The following SMIM7 variants were observed in gnomAD, a reference collection of about 807,000 sequenced individuals.
SMIM7 encodes the protein UPF0608 protein C19orf42.
In SMIM7, 12 loss-of-function variants were observed where a neutral mutation model predicts 13.3. The observed-to-expected ratio is 0.90, with a 90% CI of 0.58 to 1.46. The LOEUF (loss-of-function observed/expected upper bound fraction) is 1.46. Ranked by LOEUF, SMIM7 falls within the 40% of genes most tolerant of loss-of-function variation. The pLI is 0.00. For missense variants in SMIM7, 114 were observed against 94.8 expected, an observed-to-expected ratio of 1.20 and a Z score of -0.84; for synonymous variants, 36 against 35.8, an observed-to-expected ratio of 1.01 and a Z score of -0.02.
chr19:16,654,677 C>T (rs1480475017), intron 3 of SMIM7, among the ~76,000 whole-genome samples: 3 of 151,768 alleles, frequency 2.0e-5, no homozygotes, highest in Non-Finnish European at 4.4e-5. Flanking sequence ...TCTCCATACC[C>T]GGCTGGTTTT....
chr19:16,653,472 A>G (rs1015121972), intron 4 of SMIM7, among the ~76,000 whole-genome samples: 8 of 151,946 alleles, frequency 5.3e-5, no homozygotes, highest in Non-Finnish European at 1.0e-4. Context: ...AATCCCAGCT[A>G]CTCGGGAGGC....
Position 16,654,098 on chromosome 19 carries a change from C to T in SMIM7, c.149G>A (p.Ser50Asn). The T allele has an allele frequency of 3.1e-6, 5 of 1,614,084 alleles. No homozygotes were observed. The highest frequency in any genetic ancestry group is 4.2e-6 in the Non-Finnish European group (5 of 1,180,012). Residue 50 changes from serine to asparagine, a missense_variant, in exon 4 of 5, where the codon AGC becomes AAC. Coordinates refer to ENST00000487416, the MANE Select transcript of SMIM7 (RefSeq NM_024104.4). The stretch of plus-strand genomic sequence containing the variant: ...GATGAAGATTCGAAAGTATCTGAGG[C>T]TCAGCAAGAATTCCCGGATGTTGTC... ...TGDNIREFLL[S>N]LRYFRIFIAL...
At chr19:16,656,152 G>A (rs371714576) in intron 3 of SMIM7, among the ~76,000 whole-genome samples, 7 of 151,770 alleles carry the variant, frequency 4.6e-5, no homozygotes, top group South Asian at 2.1e-4. Flanking sequence ...TTGGGAGGCC[G>A]AGGCAGGTGG....
At chr19:16,655,538 G>A (rs970098335) in intron 3 of SMIM7, among the ~76,000 whole-genome samples, 2 of 151,796 alleles carry the variant, frequency 1.3e-5, no homozygotes, top group Admixed American at 6.6e-5. Flanking sequence ...AAAGTTAGCC[G>A]GGTGTGGTGG....
At chr19:16,639,366 C>T (rs890557961) in intron 4 of SMIM7, among the ~76,000 whole-genome samples, 5 of 152,120 alleles carry the variant, frequency 3.3e-5, no homozygotes, top group African/African-American at 1.2e-4. Context: ...TCATGATCTG[C>T]CCGCCTCCGC....
intron 4 of SMIM7, chr19:16,640,297 G>C (rs549740727): frequency 6.6e-6 from 1 of 152,160 alleles, no homozygotes; most frequent in South Asian, 2.1e-4. Context: ...GGCTGGTCTC[G>C]AACTTCTGGG....
At chr19:16,648,240 A>G (rs112759676) in intron 4 of SMIM7, among the ~76,000 whole-genome samples, 5,800 of 152,196 alleles carry the variant, frequency 0.038, 357 homozygotes, top group African/African-American at 0.13. Context: ...TCCTGGGTTC[A>G]AGCGATTCTC....
At chr19:16,639,358 A>G (rs964345236) in intron 4 of SMIM7, among the ~76,000 whole-genome samples, 3 of 151,982 alleles carry the variant, frequency 2.0e-5, no homozygotes, top group African/African-American at 7.3e-5. Flanking sequence ...TCCTGACCTC[A>G]TGATCTGCCC....
intron 2 of SMIM7, 67 bp downstream of exon 2, chr19:16,659,892 T>G (rs1209042610): frequency 2.8e-5 from 44 of 1,546,742 alleles, no homozygotes; most frequent in Non-Finnish European, 3.8e-5. Flanking sequence ...TGCGCCGAGA[T>G]CACGCTTATG....
intron 4 of SMIM7, chr19:16,652,364 G>A: frequency 5.2e-6 from 1 of 191,510 alleles, no homozygotes; most frequent in Non-Finnish European, 9.6e-6. Context: ...ACTACACTCG[G>A]CTAATTTTTT....
At chr19:16,632,455 G>A (rs1243913411) in intron 4 of SMIM7, among the ~76,000 whole-genome samples, 1 of 151,648 alleles carries the variant, frequency 6.6e-6, no homozygotes, top group Non-Finnish European at 1.5e-5. Flanking sequence ...GGGAATTCAT[G>A]AATACAATAC....
At chr19:16,644,261 C>T (rs1370151707), downstream of SMIM7, among the ~76,000 whole-genome samples, 1 of 150,156 alleles carries the variant, frequency 6.7e-6, no homozygotes, top group Non-Finnish European at 1.5e-5. Context: ...GCTGGGATTA[C>T]AGGCGCACGC....
downstream of SMIM7, among the ~76,000 whole-genome samples, chr19:16,644,118 GTTTTTTT>G (rs557600997): frequency 8.2e-5 from 7 of 85,430 alleles, no homozygotes; most frequent in Admixed American, 2.7e-4. Context: ...AATTGTTTGC[GTTTTTTT>G]TTTTTTTTTT....
At chr19:16,642,420 G>C (rs942853859), downstream of SMIM7, among the ~76,000 whole-genome samples, 1 of 151,994 alleles carries the variant, frequency 6.6e-6, no homozygotes, top group African/African-American at 2.4e-5. Flanking sequence ...TAGCTGGGCA[G>C]GCACCTGTAA....
downstream of SMIM7, among the ~76,000 whole-genome samples, chr19:16,643,528 C>G (rs2086420335): frequency 6.6e-6 from 1 of 152,166 alleles, no homozygotes; most frequent in South Asian, 2.1e-4. Flanking sequence ...TCCTGAGTAG[C>G]TGGGACTACA....
At chr19:16,645,904 C>T (rs2086444957), downstream of SMIM7, 2 of 151,968 alleles carry the variant, frequency 1.3e-5, no homozygotes, top group African/African-American at 4.8e-5. Context: ...TCAAGTGATC[C>T]GCCTACCTCG....
intron 3 of SMIM7, among the ~76,000 whole-genome samples, chr19:16,654,329 AGCCCCTCT>A (rs1175600577): frequency 6.6e-6 from 1 of 152,078 alleles, no homozygotes; most frequent in African/African-American, 2.4e-5. Context: ...GAAAGCACCA[AGCCCCTCT>A]GCCTCTGATT....
chr19:16,633,463 A>G (rs2086336499), intron 4 of SMIM7, among the ~76,000 whole-genome samples: 1 of 150,178 alleles, frequency 6.7e-6, no homozygotes, highest in African/African-American at 2.5e-5. Flanking sequence ...CTCAAAAAAA[A>G]AGAAAAAAAA....
rs547207885 is a variant in SMIM7 at position 16,648,680 on chromosome 19, A to C, written c.213-1419T>G. The stretch of plus-strand genomic sequence containing the variant: ...CCAATAGGTACATGAAAATATGTTC[A>C]ATATCATTAACCATCAGGGAAATGT... On this transcript the variant is annotated intron_variant, in intron 4 of 4. Transcript: ENST00000487416. Among the ~76,000 whole-genome samples, 537 of 152,346 alleles carry C rather than the reference A, an allele frequency of 3.5e-3. 3 individuals carry two copies. The highest frequency in any genetic ancestry group is 0.012 in the South Asian group (58 of 4,832).
Sources: allele counts gnomAD v4.1 joint callset (sites outside exome capture counted in the v4.1 genomes callset), GRCh38; gene constraint gnomAD v4.1.1; transcripts MANE v1.5; gene names NCBI Gene and HGNC (gene_info 2026-07-23, HGNC 2026-07-21).